Variants in LRRC4C observed in about 807,000 individuals in gnomAD.
LRRC4C encodes leucine-rich repeat-containing protein 4C.
In LRRC4C, 5 loss-of-function variants were observed where a neutral mutation model predicts 33.6. The ratio of observed to expected loss-of-function variants is 0.15; its 90% CI spans 0.08 to 0.31. The LOEUF (loss-of-function observed/expected upper bound fraction) is 0.31. LRRC4C is among the 10% of genes least tolerant of loss of function. The pLI is 1.00. For synonymous variants in LRRC4C, 329 were observed against 302.0 expected, an observed-to-expected ratio of 1.09 and a Z score of -0.93; for missense variants, 560 against 796.7, an observed-to-expected ratio of 0.70 and a Z score of 3.58.
At chr11:40,993,953 A>G (rs1267029457) in intron 1 of LRRC4C, among the ~76,000 whole-genome samples, 1 of 152,102 alleles carries the variant, frequency 6.6e-6, no homozygotes, top group Non-Finnish European at 1.5e-5. Flanking sequence ...ACCTTGGCAC[A>G]TTATAAAAGC....
chr11:41,131,345 A>C (rs548257289), intron 1 of LRRC4C, among the ~76,000 whole-genome samples: 2 of 152,054 alleles, frequency 1.3e-5, no homozygotes, highest in African/African-American at 4.8e-5. Flanking sequence ...TACTTTAAAC[A>C]TATGTATTCA....
At chr11:40,700,639 G>T (rs1459875360) in intron 2 of LRRC4C, among the ~76,000 whole-genome samples, 1 of 152,114 alleles carries the variant, frequency 6.6e-6, no homozygotes, top group African/African-American at 2.4e-5. Context: ...TTAGCTAAAT[G>T]ATTGTCTTGA....
At chr11:41,367,282 G>T (rs1952577958) in intron 1 of LRRC4C, among the ~76,000 whole-genome samples, 1 of 152,026 alleles carries the variant, frequency 6.6e-6, no homozygotes, top group African/African-American at 2.4e-5. Flanking sequence ...TGTGATATTG[G>T]GGTATCCAAA....
intron 2 of LRRC4C, among the ~76,000 whole-genome samples, chr11:40,806,186 C>T (rs980446282): frequency 6.6e-6 from 1 of 152,170 alleles, no homozygotes; most frequent in Admixed American, 6.5e-5. Context: ...AAAATTTAGG[C>T]CACTTGAAGG....
intron 1 of LRRC4C, among the ~76,000 whole-genome samples, chr11:41,038,596 A>C (rs550814482): frequency 6.6e-6 from 1 of 152,314 alleles, no homozygotes; most frequent in Admixed American, 6.5e-5. Context: ...ATGACAGAGA[A>C]TCAAAAATAG....
intron 3 of LRRC4C, among the ~76,000 whole-genome samples, chr11:40,363,871 C>T (rs1231984216): frequency 6.6e-6 from 1 of 152,172 alleles, no homozygotes; most frequent in Non-Finnish European, 1.5e-5. Flanking sequence ...AAAAGCTTCT[C>T]TTTACACTTC....
In LRRC4C at chr11:41,325,578, TGTGTG is replaced by T. The variant is rs1180567926; in HGVS notation, c.-496+133848_-496+133852del. Among the ~76,000 whole-genome samples the T allele has an allele frequency of 2.0e-3, 127 of 63,410 alleles. 4 individuals are homozygous for T. In the South Asian group the frequency reaches 0.038, roughly 19 times the overall value. 41.6% of individuals were successfully genotyped at this position (63,410 alleles called of 152,430 possible). ...TATTGTCCTTATAGTTTTTTTTTTTTGTGTGTGTGTGTGTGTGTGTGTGTGTGTGT... is the reference window on the plus strand; with the variant it reads ...TATTGTCCTTATAGTTTTTTTTTTTTTGTGTGTGTGTGTGTGTGTGTGTGT... On this transcript the variant is annotated intron_variant, in intron 1 of 6. Coordinates refer to ENST00000528697, the MANE Select transcript of LRRC4C (RefSeq NM_001258419.2).
At chr11:41,200,946 T>A (rs140429875) in intron 1 of LRRC4C, among the ~76,000 whole-genome samples, 1 of 152,304 alleles carries the variant, frequency 6.6e-6, no homozygotes, top group East Asian at 1.9e-4. Context: ...GAAAACCTAG[T>A]GGGAAATCTG....
intron 1 of LRRC4C, among the ~76,000 whole-genome samples, chr11:41,173,638 T>C (rs1040725977): frequency 6.6e-5 from 10 of 152,272 alleles, no homozygotes; most frequent in African/African-American, 2.4e-4. Context: ...AGCCTCTTGC[T>C]TTCTCAAGAC....
intron 2 of LRRC4C, among the ~76,000 whole-genome samples, chr11:40,701,906 G>A (rs1945879212): frequency 6.6e-6 from 1 of 151,752 alleles, no homozygotes. Context: ...AATTTGTGAG[G>A]TAACTATTCT....
At chr11:41,196,530 G>A (rs543112083) in intron 1 of LRRC4C, among the ~76,000 whole-genome samples, 16 of 152,126 alleles carry the variant, frequency 1.1e-4, no homozygotes, top group African/African-American at 2.9e-4. Context: ...TTAAATAGAA[G>A]AGGAATAAAT....
At chr11:40,489,882 T>C (rs1954059476) in intron 3 of LRRC4C, among the ~76,000 whole-genome samples, 2 of 152,294 alleles carry the variant, frequency 1.3e-5, no homozygotes, top group South Asian at 4.1e-4. Context: ...ATCCATTTAT[T>C]CATTTAACAT....
At chr11:40,451,691 G>A (rs999922427) in intron 3 of LRRC4C, among the ~76,000 whole-genome samples, 6 of 151,982 alleles carry the variant, frequency 3.9e-5, no homozygotes, top group African/African-American at 1.4e-4. Context: ...GGCCAGAAAT[G>A]ATTTTGAGGG....
chr11:40,895,210 G>A (rs1592019237), intron 2 of LRRC4C, among the ~76,000 whole-genome samples: 1 of 152,054 alleles, frequency 6.6e-6, no homozygotes, highest in East Asian at 1.9e-4. Context: ...ATTTAAAATA[G>A]TTATATCTTA....
Position 40,476,908 on chromosome 11 carries a change from T to A in LRRC4C, c.-269-157187A>T, listed in dbSNP as rs762971047. On this transcript the variant is annotated intron_variant, in intron 3 of 6. Transcript: ENST00000528697. ...AGCCAACAAAATGTTTTCTAATTTATCCTATCCTAAGATCAACTTAATATG... is the reference window on the plus strand; with the variant it reads ...AGCCAACAAAATGTTTTCTAATTTAACCTATCCTAAGATCAACTTAATATG... Among the ~76,000 whole-genome samples the A allele has an allele frequency of 5.3e-5, 8 of 152,196 alleles. 1 individual carries two copies. The highest frequency in any genetic ancestry group is 9.6e-5 in the African/African-American group (4 of 41,464).
At chr11:40,996,361 T>TA (rs5791411) in intron 1 of LRRC4C, among the ~76,000 whole-genome samples, 4 of 151,660 alleles carry the variant, frequency 2.6e-5, no homozygotes, top group Admixed American at 6.6e-5. Flanking sequence ...TTCACTGCCT[T>TA]AAAAAAAATA....
intron 1 of LRRC4C, among the ~76,000 whole-genome samples, chr11:41,353,615 A>C (rs939898969): frequency 5.9e-5 from 9 of 152,162 alleles, no homozygotes; most frequent in African/African-American, 9.6e-5. Flanking sequence ...AGATGCAAAA[A>C]CCTTCAACAA....
At position 40,863,577 on chromosome 11, in the gene LRRC4C, G is replaced by T. The variant is rs147592788; in HGVS notation, c.-407+70058C>A. On this transcript the variant is annotated intron_variant, in intron 2 of 6. Transcript: ENST00000528697. The stretch of plus-strand genomic sequence containing the variant: ...CTTCTCAAAAACTGAGGAAGTAAAC[G>T]CAAGGAAGAGGCTTTCTCTAAGGCT... 9.9e-5 allele frequency among the ~76,000 whole-genome samples: 15 copies of T among 152,240 alleles called. No homozygotes were observed. In the East Asian group the frequency reaches 2.5e-3, roughly 26 times the overall value.
intron 2 of LRRC4C, among the ~76,000 whole-genome samples, chr11:40,651,566 C>G (rs1384901150): frequency 6.6e-6 from 1 of 152,070 alleles, no homozygotes; most frequent in Admixed American, 6.6e-5. Context: ...AGCTAGGTAC[C>G]AGTTAAGCGA....
Sources: allele counts gnomAD v4.1 joint callset (sites outside exome capture counted in the v4.1 genomes callset), GRCh38; gene constraint gnomAD v4.1.1; transcripts MANE v1.5; gene names NCBI Gene and HGNC (gene_info 2026-07-23, HGNC 2026-07-21).